Variants in FRMD7 observed in about 807,000 individuals in gnomAD.
FRMD7 encodes the protein FERM domain containing 7, also known as FERM domain-containing protein 7.
In FRMD7, 14 loss-of-function variants were observed where a neutral mutation model predicts 44.1. That is an observed-to-expected ratio of 0.32 (90% CI 0.21 to 0.50). The LOEUF is 0.50. FRMD7 is among the 20% of genes least tolerant of loss of function. The pLI, the probability that FRMD7 is intolerant of heterozygous loss-of-function variation, is 0.99. For missense variants in FRMD7, 501 were observed against 522.3 expected (o/e 0.96, Z 0.40); for synonymous variants, 212 against 187.4 (o/e 1.13, Z -1.07).
In FRMD7 at chrX:132,106,017, A is replaced by G. The variant is rs758148787; in HGVS notation, c.58-5301T>C. Among the ~76,000 whole-genome samples the G allele has an allele frequency of 6.2e-5, 7 of 112,209 alleles. No individual in the cohort carries two copies. In the East Asian group the frequency reaches 1.1e-3, roughly 18 times the overall value. On this transcript the variant is annotated intron_variant, in intron 1 of 11. Coordinates refer to ENST00000298542, the MANE Select transcript of FRMD7 (RefSeq NM_194277.3). ...AAGCAAAAATTGACAAGTGAGATCTAATTAAACTTAAGAGCTTCTGCACAA... is the reference window on the plus strand; with the variant it reads ...AAGCAAAAATTGACAAGTGAGATCTGATTAAACTTAAGAGCTTCTGCACAA...
intron 9 of FRMD7, among the ~76,000 whole-genome samples, chrX:132,080,975 C>T (rs1202569179): frequency 1.8e-5 from 2 of 111,473 alleles, no homozygotes; most frequent in Non-Finnish European, 1.9e-5. Flanking sequence ...GAGGATTGTT[C>T]TAGTTAGGCA....
chrX:132,095,395 C>T, intron 4 of FRMD7, among the ~76,000 whole-genome samples: 2 of 111,034 alleles, frequency 1.8e-5, no homozygotes, highest in Middle Eastern at 4.6e-3. Context: ...GTGTCTGGCC[C>T]CAATATTTTG....
intron 5 of FRMD7, among the ~76,000 whole-genome samples, chrX:132,087,908 C>T (rs1010591320): frequency 4.5e-5 from 5 of 110,111 alleles, no homozygotes; most frequent in African/African-American, 1.3e-4. Flanking sequence ...AAACCAATGA[C>T]TATAATACAC....
intron 1 of FRMD7, among the ~76,000 whole-genome samples, chrX:132,119,770 A>T (rs975870518): frequency 4.5e-5 from 5 of 111,021 alleles, no homozygotes; most frequent in Non-Finnish European, 9.4e-5. Flanking sequence ...AACGCCTATC[A>T]CCTTTCATTC....
Position 132,078,520 on chromosome X carries a change from C to T in FRMD7, c.1497G>A (p.Val499=). The change falls in exon 12 of 12, where the codon GTG becomes GTA. Residue 499 remains valine (V), a synonymous_variant. Coordinates refer to ENST00000298542, the MANE Select transcript of FRMD7 (RefSeq NM_194277.3). ...GIMPPQVFFY[V]DKPPQVPRWS... ...ATCTGGGCACCTGGGGTGGCTTGTCCACATAAAAAAAGACCTGGGGAGGCA... is the reference window on the plus strand; with the variant it reads ...ATCTGGGCACCTGGGGTGGCTTGTCTACATAAAAAAAGACCTGGGGAGGCA... 2.5e-6 allele frequency: 3 copies of T among 1,211,084 alleles called. No individual in the cohort carries two copies. Among genetic ancestry groups the T allele is most frequent in the East Asian group, 3.0e-5 (1 of 33,820 alleles).
chrX:132,082,301 G>T, intron 9 of FRMD7, 62 bp downstream of exon 9: 1 of 968,419 alleles, frequency 1.0e-6, no homozygotes, highest in Non-Finnish European at 1.5e-6. Context: ...CTCCTCCTAA[G>T]CCTCCTGTGT....
chrX:132,086,037 G>T lies in FRMD7; in HGVS notation c.383-3C>A, dbSNP rs774876451. On this transcript the variant is annotated splice_region_variant and splice_polypyrimidine_tract_variant and intron_variant, in intron 5 of 11. Transcript: ENST00000298542. ...TTCATGAAAGTCTCCAAGTTCTGCT[G>T]CATGACAGGAAAAAGACATTTTTCA... is the stretch of plus-strand genomic sequence containing the variant. The T allele has an allele frequency of 1.5e-5, 17 of 1,112,160 alleles. No individual in the cohort carries two copies. In the Admixed American group the frequency reaches 2.0e-4, roughly 13 times the overall value. 91.7% of individuals were successfully genotyped at this position (1,112,160 alleles called of 1,213,427 possible).
chrX:132,106,657 G>T (rs915814586), intron 1 of FRMD7, among the ~76,000 whole-genome samples: 1 of 112,396 alleles, frequency 8.9e-6, no homozygotes, highest in African/African-American at 3.2e-5. Context: ...TAAAGAAAAT[G>T]TGGTACATAT....
chrX:132,126,924 C>A (rs1449729217), intron 1 of FRMD7, among the ~76,000 whole-genome samples: 1 of 112,427 alleles, frequency 8.9e-6, no homozygotes, highest in Non-Finnish European at 1.9e-5. Flanking sequence ...GCTACCCACA[C>A]ACACAACATC....
At chrX:132,116,359 G>A (rs1429416976) in intron 1 of FRMD7, among the ~76,000 whole-genome samples, 1 of 111,694 alleles carries the variant, frequency 9.0e-6, no homozygotes, top group South Asian at 3.8e-4. Flanking sequence ...CTGGCCTCAT[G>A]ATTCTCAGAT....
chrX:132,101,416 G>A (rs963194642), intron 1 of FRMD7, among the ~76,000 whole-genome samples: 2 of 112,082 alleles, frequency 1.8e-5, no homozygotes, highest in African/African-American at 6.5e-5. Flanking sequence ...CCTATCAGCC[G>A]CAGGCTGAGC....
chrX:132,104,197 G>A (rs112758809), intron 1 of FRMD7, among the ~76,000 whole-genome samples: 1,315 of 112,087 alleles, frequency 0.012, 21 homozygotes, highest in African/African-American at 0.04. Flanking sequence ...ATAGATATAT[G>A]CATAGTAATA....
chrX:132,085,810 C>A (rs948543674), intron 6 of FRMD7, 82 bp from the exon 7 acceptor site: 1 of 1,055,875 alleles, frequency 9.5e-7, no homozygotes, highest in African/African-American at 1.9e-5. Flanking sequence ...AGGATCTCAG[C>A]GTTTCATGGA....
chrX:132,077,770 A>G lies in FRMD7; in HGVS notation c.*102T>C. The G allele has an allele frequency of 1.8e-6, 2 of 1,129,997 alleles. No individual in the cohort carries two copies. The highest frequency in any genetic ancestry group is 2.4e-6 in the Non-Finnish European group (2 of 834,970). 93.1% of individuals were successfully genotyped at this position (1,129,997 alleles called of 1,213,427 possible). ...CCAAAATGAGATTTCCTTAATACCA[A>G]TGAATATGTAGTAACCAAGAAAATG... is the stretch of plus-strand genomic sequence containing the variant. On this transcript the variant is annotated 3_prime_UTR_variant, in exon 12 of 12. Transcript: ENST00000298542.
At chrX:132,084,389 G>A in intron 8 of FRMD7, 101 bp downstream of exon 8, 1 of 567,343 alleles carries the variant, frequency 1.8e-6, no homozygotes, top group Non-Finnish European at 3.2e-6. Context: ...ATCACTCAGG[G>A]CCAGCCGGCT....
chrX:132,109,529 C>T (rs1248687521), intron 1 of FRMD7, among the ~76,000 whole-genome samples: 1 of 111,625 alleles, frequency 9.0e-6, no homozygotes, highest in African/African-American at 3.3e-5. Context: ...TGAGCACCTG[C>T]TCTGTGCCAC....
chrX:132,113,736 A>G (rs917071950), intron 1 of FRMD7, among the ~76,000 whole-genome samples: 1 of 111,516 alleles, frequency 9.0e-6, no homozygotes, highest in Non-Finnish European at 1.9e-5. Flanking sequence ...CACATCATGG[A>G]CAATAGGGTA....
intron 5 of FRMD7, among the ~76,000 whole-genome samples, chrX:132,088,461 G>A (rs748815689): frequency 7.2e-5 from 8 of 110,362 alleles, no homozygotes; most frequent in Non-Finnish European, 1.5e-4. Context: ...TGGAGGCTGA[G>A]GTGGGAGCAT....
In FRMD7 at chrX:132,097,282, G is replaced by A. The variant is rs1268318440; in HGVS notation, c.268C>T (p.Arg90Trp). ...KFFPVDPGHL[R>W]EELTRYLFTL... is the part of the protein sequence containing the mutation. The stretch of plus-strand genomic sequence containing the variant: ...TCACTATACCTTGTAAGTTCTTCCC[G>A]CAGATGTCCAGGGTCCACTGGGAAA... The change falls in exon 4 of 12, where the codon CGG becomes TGG. Residue 90 changes from arginine to tryptophan, a missense_variant. This residue lies in a region of FRMD7 where 24 missense variants were observed against 48.0 expected (regional missense o/e 0.50). Coordinates refer to ENST00000298542, the MANE Select transcript of FRMD7 (RefSeq NM_194277.3). The A allele has an allele frequency of 8.4e-7, 1 of 1,186,081 alleles. No individual in the cohort carries two copies. The highest frequency in any genetic ancestry group is 1.8e-5 in the African/African-American group (1 of 56,438).
Sources: allele counts gnomAD v4.1 joint callset (sites outside exome capture counted in the v4.1 genomes callset), GRCh38; gene constraint gnomAD v4.1.1; regional missense constraint gnomAD v4.1.1; transcripts MANE v1.5; gene names NCBI Gene and HGNC (gene_info 2026-07-23, HGNC 2026-07-21).